TULP4: variants seen among roughly 807,000 people sequenced by gnomAD.
TULP4 encodes TUB like protein 4.
Under a neutral mutation model 129.0 loss-of-function variants are expected in TULP4, and 16 were observed. The ratio of observed to expected loss-of-function variants is 0.12; its 90% CI spans 0.08 to 0.19. The LOEUF (loss-of-function observed/expected upper bound fraction) is 0.19, where lower values mean the gene tolerates loss of function less well. TULP4 is among the 10% of genes least tolerant of loss of function. TULP4 has a pLI of 1.00. For missense variants in TULP4, 1,842 were observed against 2,059.1 expected (o/e 0.89, Z 2.04); for synonymous variants, 998 against 854.0 (o/e 1.17, Z -2.94).
chr6:158,500,571 A>G (rs1780421455), intron 12 of TULP4, among the ~76,000 whole-genome samples: 1 of 152,230 alleles, frequency 6.6e-6, no homozygotes, highest in Admixed American at 6.5e-5. Flanking sequence ...AGGGTAGCAC[A>G]GTGGGCCTAG....
At chr6:158,468,863 G>T (rs895207698) in intron 6 of TULP4, among the ~76,000 whole-genome samples, 1 of 152,160 alleles carries the variant, frequency 6.6e-6, no homozygotes, top group Non-Finnish European at 1.5e-5. Flanking sequence ...GCAGGGAGGC[G>T]CCTCCCTTTA....
chr6:158,440,363 A>C (rs917823247), intron 3 of TULP4, among the ~76,000 whole-genome samples: 2 of 151,786 alleles, frequency 1.3e-5, no homozygotes, highest in Non-Finnish European at 2.9e-5. Flanking sequence ...ACTAAAGTAA[A>C]ATCTCAATGG....
rs563449093 is a variant in TULP4, at chr6:158,471,891, T to A, written c.1027-7860T>A. The stretch of plus-strand genomic sequence containing the variant: ...CCTGTAGGCTGTGTCACATTTATAA[T>A]CAATCTGATGCTGGCTTTTTATAAG... On this transcript the variant is annotated intron_variant, in intron 6 of 13. Transcript: ENST00000367097. Among the ~76,000 whole-genome samples, 4 of 152,342 alleles carry A rather than the reference T, an allele frequency of 2.6e-5. No homozygotes were observed. In the South Asian group the frequency reaches 6.2e-4, roughly 24 times the overall value.
At chr6:158,348,038 G>C (rs1319157522) in intron 1 of TULP4, among the ~76,000 whole-genome samples, 1 of 151,186 alleles carries the variant, frequency 6.6e-6, no homozygotes, top group Non-Finnish European at 1.5e-5. Flanking sequence ...AAAATACTTA[G>C]AGTCCCTTTC....
At chr6:158,481,482 A>G (rs962280321) in intron 8 of TULP4, 193 bp downstream of exon 8, 3 of 634,006 alleles carry the variant, frequency 4.7e-6, no homozygotes, top group Non-Finnish European at 2.8e-6. Flanking sequence ...ACTTTTTGAC[A>G]GGTTTTTAAT....
At chr6:158,383,644 G>C (rs1248422527) in intron 1 of TULP4, among the ~76,000 whole-genome samples, 2 of 152,198 alleles carry the variant, frequency 1.3e-5, no homozygotes, top group Non-Finnish European at 2.9e-5. Flanking sequence ...AACTGGACTT[G>C]AAAGAGCTTG....
intron 7 of TULP4, among the ~76,000 whole-genome samples, chr6:158,480,555 G>A (rs1429286801): frequency 1.3e-5 from 2 of 152,230 alleles, no homozygotes; most frequent in Admixed American, 6.5e-5. Context: ...GCCAGTTGCT[G>A]TTCAAGTGTG....
At chr6:158,282,480 A>G (rs1227142213) in intron 1 of TULP4, 1 of 151,926 alleles carries the variant, frequency 6.6e-6, no homozygotes, top group African/African-American at 2.4e-5. Flanking sequence ...CTGTGATTAT[A>G]ACCTTTGACT....
intron 6 of TULP4, among the ~76,000 whole-genome samples, chr6:158,474,291 G>A (rs1234072386): frequency 1.3e-5 from 2 of 152,214 alleles, no homozygotes; most frequent in East Asian, 3.8e-4. Flanking sequence ...GACTGTCCCA[G>A]GAATCTGCCT....
In TULP4 at chr6:158,313,919, A is replaced by C; in HGVS notation, c.-98A>C. ...AATTAAAGGGGGAAAAAAGCAACGCAAGCCAACCACAAAAACACATATACC... is the reference window on the plus strand; with the variant it reads ...AATTAAAGGGGGAAAAAAGCAACGCCAGCCAACCACAAAAACACATATACC... On this transcript the variant is annotated 5_prime_UTR_variant, in exon 1 of 14. Transcript: ENST00000367097. The C allele has an allele frequency of 6.9e-7, 1 of 1,443,876 alleles. No individual in the cohort carries two copies. The highest frequency in any genetic ancestry group is 9.3e-7 in the Non-Finnish European group (1 of 1,079,234). The allele number at this position is 1,443,876 out of a possible 1,614,324, so 89.4% of individuals were successfully genotyped here.
intron 1 of TULP4, among the ~76,000 whole-genome samples, chr6:158,368,239 A>G (rs1177252619): frequency 6.6e-6 from 1 of 152,174 alleles, no homozygotes; most frequent in Non-Finnish European, 1.5e-5. Flanking sequence ...GAATTTTTGC[A>G]TAAAAAATTA....
Position 158,489,374 on chromosome 6 carries a change from C to T in TULP4, c.1487-214C>T, listed in dbSNP as rs573698331. 2.0e-5 allele frequency among the ~76,000 whole-genome samples: 3 copies of T among 152,318 alleles called. No individual in the cohort carries two copies. The East Asian group carries it at 5.8e-4, about 29-fold the overall frequency. ...GTACATTCCTAGAAACATTAAAATA[C>T]CATGCCCATTTTGACAACAGTAGAA... On this transcript the variant is annotated intron_variant, in intron 8 of 13. Transcript: ENST00000367097.
intron 1 of TULP4, among the ~76,000 whole-genome samples, chr6:158,287,944 T>A (rs1216172746): frequency 2.0e-5 from 3 of 152,196 alleles, no homozygotes; most frequent in Non-Finnish European, 4.4e-5. Context: ...CAAATGATAC[T>A]ATTGCAGCTG....
intron 3 of TULP4, among the ~76,000 whole-genome samples, chr6:158,435,948 G>A (rs1213837548): frequency 6.7e-6 from 1 of 150,242 alleles, no homozygotes; most frequent in African/African-American, 2.5e-5. Context: ...TTATTTTGAG[G>A]TGGAGTCTCG....
intron 6 of TULP4, among the ~76,000 whole-genome samples, chr6:158,471,938 G>T (rs1779692150): frequency 6.6e-6 from 1 of 152,158 alleles, no homozygotes; most frequent in African/African-American, 2.4e-5. Flanking sequence ...TAGAATATTT[G>T]TGAATTCAAG....
upstream of TULP4, chr6:158,312,352 A>T (rs1200442649): frequency 2.6e-6 from 1 of 383,964 alleles, no homozygotes; most frequent in African/African-American, 2.1e-5. Context: ...GCACGGGTAA[A>T]GAAAGTCTGC....
chr6:158,485,032 T>A (rs1450975403), intron 8 of TULP4, among the ~76,000 whole-genome samples: 3 of 152,184 alleles, frequency 2.0e-5, no homozygotes, highest in Non-Finnish European at 4.4e-5. Context: ...AATACGGATG[T>A]TAAGGGCAAT....
chr6:158,280,457 T>A (rs1266780618), upstream of TULP4, among the ~76,000 whole-genome samples: 2 of 152,258 alleles, frequency 1.3e-5, no homozygotes, highest in Non-Finnish European at 2.9e-5. Context: ...AGATTTTATT[T>A]TTGTTGTGAA....
intron 1 of TULP4, among the ~76,000 whole-genome samples, chr6:158,371,566 G>C (rs1187263668): frequency 6.6e-6 from 1 of 152,180 alleles, no homozygotes; most frequent in Non-Finnish European, 1.5e-5. Context: ...AATTTGGTGA[G>C]AAGTCCACCT....
Sources: gnomAD v4.1 joint callset for allele counts (sites outside exome capture counted in the v4.1 genomes callset) on GRCh38, gnomAD v4.1.1 for gene constraint, MANE v1.5 for transcripts, NCBI Gene and HGNC (gene_info 2026-07-23, HGNC 2026-07-21) for gene names.